The following SGK3 variants were observed in gnomAD, a reference collection of about 807,000 sequenced individuals.
SGK3 encodes the protein serum/glucocorticoid regulated kinase family member 3.
A neutral mutation model predicts 68.5 loss-of-function variants in SGK3; 47 were observed. The ratio of observed to expected loss-of-function variants is 0.69; its 90% CI spans 0.54 to 0.87. The LOEUF (loss-of-function observed/expected upper bound fraction) is 0.87. SGK3 is among the 40% of genes least tolerant of loss of function. SGK3 has a pLI of 0.00. For synonymous variants in SGK3, 181 were observed against 189.1 expected, an observed-to-expected ratio of 0.96 and a Z score of 0.35; for missense variants, 479 against 575.5, an observed-to-expected ratio of 0.83 and a Z score of 1.72.
rs1376613028 is a variant in SGK3, at chr8:66,786,574, C to A, written c.-121-7042C>A. 2.6e-5 allele frequency among the ~76,000 whole-genome samples: 4 copies of A among 152,186 alleles called. No homozygotes were observed. In the East Asian group the frequency reaches 7.7e-4, roughly 29 times the overall value. ...TGCACATAGAGATTTTGGAGTTGGA[C>A]AAATTTGCGTTTGAATTCTAGCTCT... On this transcript the variant is annotated intron_variant, in intron 1 of 16. Transcript: ENST00000521198.
intron 8 of SGK3, among the ~76,000 whole-genome samples, chr8:66,831,903 G>A (rs145710004): frequency 6.6e-6 from 1 of 151,950 alleles, no homozygotes; most frequent in East Asian, 1.9e-4. Context: ...AATTGACATG[G>A]TTACTACCTT....
At chr8:66,715,990 C>G (rs1020106533) in intron 1 of SGK3, among the ~76,000 whole-genome samples, 2 of 152,286 alleles carry the variant, frequency 1.3e-5, no homozygotes, top group South Asian at 4.1e-4. Flanking sequence ...TCAGAAACCA[C>G]TTTACCTTTT....
chr8:66,800,982 G>A (rs541138911), intron 3 of SGK3, among the ~76,000 whole-genome samples: 1 of 152,120 alleles, frequency 6.6e-6, no homozygotes, highest in Admixed American at 6.5e-5. Flanking sequence ...ACAAAAACAA[G>A]AACAAAACAC....
chr8:66,841,308 C>T (rs1239664745), intron 13 of SGK3, among the ~76,000 whole-genome samples, 198 bp downstream of exon 13: 4 of 152,168 alleles, frequency 2.6e-5, no homozygotes, highest in Admixed American at 2.0e-4. Context: ...CTGCAAGACC[C>T]TTTTGAATAA....
intron 2 of SGK3, among the ~76,000 whole-genome samples, chr8:66,794,183 A>C (rs1265783740): frequency 6.6e-6 from 1 of 152,234 alleles, no homozygotes; most frequent in Non-Finnish European, 1.5e-5. Flanking sequence ...ATTCCATATT[A>C]AGAACTACTG....
chr8:66,827,071 TAAG>T (rs1409512425), intron 6 of SGK3, among the ~76,000 whole-genome samples: 3 of 152,178 alleles, frequency 2.0e-5, no homozygotes, highest in Admixed American at 6.5e-5. Flanking sequence ...ATGTCTATAA[TAAG>T]AAGTTTGATA....
At chr8:66,815,107 T>C (rs889156795) in intron 5 of SGK3, among the ~76,000 whole-genome samples, 13 of 152,338 alleles carry the variant, frequency 8.5e-5, no homozygotes, top group African/African-American at 2.9e-4. Flanking sequence ...GTTCTAAAAA[T>C]GATGATTACC....
chr8:66,808,633 C>T (rs1026326899), intron 4 of SGK3, among the ~76,000 whole-genome samples: 2 of 151,254 alleles, frequency 1.3e-5, no homozygotes, highest in African/African-American at 2.4e-5. Context: ...CCTGCCTCAA[C>T]CTCATGAGTA....
At chr8:66,810,428 C>T (rs1424330316) in intron 4 of SGK3, among the ~76,000 whole-genome samples, 1 of 152,140 alleles carries the variant, frequency 6.6e-6, no homozygotes, top group East Asian at 1.9e-4. Flanking sequence ...CAGCTGGGAG[C>T]GGTGGCTCAC....
chr8:66,753,549 G>C (rs541552692), intron 1 of SGK3, among the ~76,000 whole-genome samples: 1 of 152,320 alleles, frequency 6.6e-6, no homozygotes, highest in East Asian at 1.9e-4. Context: ...TATGGGCCAG[G>C]CACGGTGGCT....
chr8:66,776,597 T>C (rs556810149), intron 1 of SGK3, among the ~76,000 whole-genome samples: 57 of 152,206 alleles, frequency 3.7e-4, no homozygotes, highest in Non-Finnish European at 7.8e-4. Flanking sequence ...TGGCAGAGCT[T>C]AGGCTAGAAT....
At chr8:66,847,768 G>A (rs1810093375) in intron 15 of SGK3, among the ~76,000 whole-genome samples, 1 of 151,878 alleles carries the variant, frequency 6.6e-6, no homozygotes, top group South Asian at 2.1e-4. Context: ...TGAGGGTTTG[G>A]GACTATCTAA....
intron 5 of SGK3, among the ~76,000 whole-genome samples, chr8:66,817,068 G>A (rs1808617242): frequency 6.6e-6 from 1 of 151,038 alleles, no homozygotes; most frequent in Non-Finnish European, 1.5e-5. Flanking sequence ...GACCTCAGAT[G>A]ATCTGCCTCC....
rs551009388 is a variant in SGK3 at position 66,804,376 on chromosome 8, T to A, written c.182T>A (p.Leu61Ter). The change falls in exon 4 of 17, where the codon TTA (leucine) becomes TAA (stop). Residue 61 changes from leucine to a stop codon, truncating the protein, a stop_gained and splice_region_variant. Coordinates refer to ENST00000521198, the MANE Select transcript of SGK3 (RefSeq NM_001033578.3). LOFTEE classifies it high-confidence loss of function. Reference protein sequence around the residue: ...YAEFDKLYNTLKKQFPAMALK... With the variant: ...YAEFDKLYNT ...TAATGTTATTTTTAAAAATTTTAGT[T>A]AAAAAAACAGTTTCCTGCTATGGCC... The A allele has an allele frequency of 6.2e-7, 1 of 1,606,504 alleles. No homozygotes were observed. Among genetic ancestry groups the A allele is most frequent in the Admixed American group, 1.7e-5 (1 of 59,440 alleles).
chr8:66,741,307 T>C (rs1805471915), intron 1 of SGK3, among the ~76,000 whole-genome samples: 1 of 152,132 alleles, frequency 6.6e-6, no homozygotes. Context: ...TGCAACACTT[T>C]GGGAGGCCTA....
chr8:66,856,437 T>C (rs563866500), intron 16 of SGK3, among the ~76,000 whole-genome samples: 27 of 152,054 alleles, frequency 1.8e-4, no homozygotes, highest in Admixed American at 4.6e-4. Flanking sequence ...GGACCAGAAG[T>C]GTTTTGGATT....
intron 13 of SGK3, among the ~76,000 whole-genome samples, chr8:66,842,964 A>C (rs1809856859): frequency 6.6e-6 from 1 of 152,104 alleles, no homozygotes. Context: ...CCAGCTCCTC[A>C]GGAGGCTGAG....
rs1810672217 is a variant in SGK3, at chr8:66,859,452, A to G, written c.1362A>G (p.Thr454=). 1 of 1,611,136 alleles carries G rather than the reference A, an allele frequency of 6.2e-7. No individual in the cohort carries two copies. The highest frequency in any genetic ancestry group is 8.5e-7 in the Non-Finnish European group (1 of 1,178,078). Residue 454 remains threonine, a synonymous_variant, in exon 17 of 17, where the codon ACA becomes ACG. Coordinates refer to ENST00000521198, the MANE Select transcript of SGK3 (RefSeq NM_001033578.3). ...DDIRNFDTAF[T]EETVPYSVCV... is the part of the protein sequence containing the mutation. The stretch of plus-strand genomic sequence containing the variant: ...TCAGAAACTTTGACACAGCATTTAC[A>G]GAAGAAACAGTTCCATATTCTGTGT...
rs1242030608 is a variant in SGK3, at chr8:66,819,809, T to G, written c.330-2563T>G. Among the ~76,000 whole-genome samples the G allele has an allele frequency of 6.8e-4, 103 of 151,800 alleles. 1 individual carries two copies. The highest frequency in any genetic ancestry group is 4.2e-4 in the South Asian group (2 of 4,818). On this transcript the variant is annotated intron_variant, in intron 5 of 16. Transcript: ENST00000521198. ...TTTGTTTTTTTTGTTTTTGTTTTTGTTTTTTGTTTTTTGGTTTTTTTTTTT... is the reference window on the plus strand; with the variant it reads ...TTTGTTTTTTTTGTTTTTGTTTTTGGTTTTTGTTTTTTGGTTTTTTTTTTT...
Sources: allele counts gnomAD v4.1 joint callset (sites outside exome capture counted in the v4.1 genomes callset), GRCh38; gene constraint gnomAD v4.1.1; transcripts MANE v1.5; gene names NCBI Gene and HGNC (gene_info 2026-07-23, HGNC 2026-07-21).